Variants in MGAT5 observed in about 807,000 individuals in gnomAD.
The protein encoded by MGAT5 is alpha-1,6-mannosylglycoprotein 6-beta-N-acetylglucosaminyltransferase, also known as alpha-1,6-mannosylglycoprotein 6-beta-N-acetylglucosaminyltransferase A.
MGAT5 carries 30 observed loss-of-function variants against 94.3 expected under a neutral mutation model. The ratio of observed to expected loss-of-function variants is 0.32; its 90% CI spans 0.24 to 0.43. The LOEUF (loss-of-function observed/expected upper bound fraction) is 0.43, where lower values mean the gene tolerates loss of function less well. Among genes scored for constraint, MGAT5 ranks in the 20% least tolerant of loss-of-function variants. The pLI, the probability that MGAT5 is intolerant of heterozygous loss-of-function variation, is 1.00. For missense variants in MGAT5, 691 were observed against 905.5 expected, an observed-to-expected ratio of 0.76 and a Z score of 3.04; for synonymous variants, 310 against 322.9, an observed-to-expected ratio of 0.96 and a Z score of 0.43.
chr2:134,153,957 A>C (rs376421369), intron 1 of MGAT5, among the ~76,000 whole-genome samples: 67 of 152,276 alleles, frequency 4.4e-4, no homozygotes, highest in Non-Finnish European at 7.9e-4. Context: ...CCATAGGGGC[A>C]ACGGCAGGGC....
chr2:134,262,854 C>T (rs1479621987), intron 1 of MGAT5, among the ~76,000 whole-genome samples: 3 of 152,210 alleles, frequency 2.0e-5, no homozygotes, highest in Non-Finnish European at 4.4e-5. Context: ...TTAGCATTTA[C>T]AGGGGTAGAG....
intron 1 of MGAT5, among the ~76,000 whole-genome samples, chr2:134,149,240 T>C (rs911845274): frequency 5.3e-5 from 8 of 152,176 alleles, no homozygotes; most frequent in African/African-American, 1.9e-4. Flanking sequence ...TTTGCTCATC[T>C]GTTAGGTGGA....
At chr2:134,172,633 G>T (rs543651472) in intron 1 of MGAT5, among the ~76,000 whole-genome samples, 2 of 152,064 alleles carry the variant, frequency 1.3e-5, no homozygotes, top group African/African-American at 2.4e-5. Flanking sequence ...TGATTCTCCC[G>T]CCTCGACCTC....
At chr2:134,447,460 A>G (rs971886547) in intron 15 of MGAT5, among the ~76,000 whole-genome samples, 3 of 152,194 alleles carry the variant, frequency 2.0e-5, no homozygotes, top group Admixed American at 6.5e-5. Flanking sequence ...CCTGCAGTAA[A>G]GAATCATTTA....
chr2:134,307,413 C>T (rs1686392492), intron 2 of MGAT5, among the ~76,000 whole-genome samples: 1 of 152,040 alleles, frequency 6.6e-6, no homozygotes, highest in Non-Finnish European at 1.5e-5. Context: ...ACTTTCATTC[C>T]CCTTTTCCTC....
chr2:134,298,514 A>G (rs1331698452), intron 2 of MGAT5, among the ~76,000 whole-genome samples: 3 of 152,212 alleles, frequency 2.0e-5, no homozygotes, highest in Non-Finnish European at 1.5e-5. Context: ...CACTCCTAAG[A>G]ATGATCAGCA....
chr2:134,233,447 T>C (rs76621917), intron 1 of MGAT5, among the ~76,000 whole-genome samples: 1,694 of 152,340 alleles, frequency 0.011, 22 homozygotes, highest in African/African-American at 0.037. Flanking sequence ...TGCCTTTTTA[T>C]CAGTTACAGT....
At chr2:134,306,500 T>C (rs1373724919) in intron 2 of MGAT5, among the ~76,000 whole-genome samples, 1 of 152,164 alleles carries the variant, frequency 6.6e-6, no homozygotes, top group Admixed American at 6.6e-5. Context: ...ACAGAGAATA[T>C]ACAATAGGAC....
At chr2:134,380,853 G>A (rs1416326791) in intron 10 of MGAT5, among the ~76,000 whole-genome samples, 1 of 152,110 alleles carries the variant, frequency 6.6e-6, no homozygotes, top group Non-Finnish European at 1.5e-5. Context: ...TGTAAGGTTT[G>A]GTAATGAAAG....
intron 1 of MGAT5, among the ~76,000 whole-genome samples, chr2:134,225,775 CTT>C (rs1428148231): frequency 6.6e-6 from 1 of 152,182 alleles, no homozygotes; most frequent in Non-Finnish European, 1.5e-5. Context: ...AAAGGGAAAA[CTT>C]TATCTCAATA....
intron 2 of MGAT5, among the ~76,000 whole-genome samples, chr2:134,299,912 C>T (rs1254357257): frequency 1.3e-5 from 2 of 152,108 alleles, no homozygotes; most frequent in African/African-American, 4.8e-5. Flanking sequence ...TTGACTTGCA[C>T]TCACCTTGAA....
Position 134,449,161 on chromosome 2 carries a change from C to T in MGAT5, c.*314C>T. On this transcript the variant is annotated 3_prime_UTR_variant, in exon 16 of 16. Transcript: ENST00000281923. Reference sequence around the variant, plus strand: ...CAGGGCAAAAGAAAGTCTCAAGAGTCCTTTAAAACAAAACAGGAGGAATTG... The same window carrying T: ...CAGGGCAAAAGAAAGTCTCAAGAGTTCTTTAAAACAAAACAGGAGGAATTG... The T allele has an allele frequency of 3.1e-6, 1 of 320,794 alleles. No individual in the cohort carries two copies. The highest frequency in any genetic ancestry group is 3.3e-5 in the South Asian group (1 of 30,086). 19.9% of individuals were successfully genotyped at this position (320,794 alleles called of 1,614,324 possible).
intron 2 of MGAT5, among the ~76,000 whole-genome samples, chr2:134,295,149 G>T (rs769590003): frequency 6.6e-6 from 1 of 152,168 alleles, no homozygotes; most frequent in Non-Finnish European, 1.5e-5. Flanking sequence ...GTAGGTTTTA[G>T]TATATAGTTT....
intron 1 of MGAT5, among the ~76,000 whole-genome samples, chr2:134,216,747 T>A (rs530842857): frequency 6.6e-6 from 1 of 152,336 alleles, no homozygotes; most frequent in East Asian, 1.9e-4. Context: ...CCATTTCTGC[T>A]CTACCTCTAG....
chr2:134,274,160 A>C (rs896590616), intron 2 of MGAT5, among the ~76,000 whole-genome samples: 4 of 152,216 alleles, frequency 2.6e-5, no homozygotes, highest in Non-Finnish European at 4.4e-5. Context: ...CTAAGGACTG[A>C]ATGTCTGATA....
chr2:134,284,804 T>C (rs12989456), intron 2 of MGAT5, among the ~76,000 whole-genome samples: 14,574 of 152,204 alleles, frequency 0.096, 830 homozygotes, highest in South Asian at 0.24. Context: ...TGTGCCCATT[T>C]AATCTGCCAC....
Position 134,422,956 on chromosome 2 carries a change from T to C in MGAT5, c.1794+37T>C, listed in dbSNP as rs202071249. The C allele has an allele frequency of 6.1e-6, 9 of 1,483,094 alleles. No individual in the cohort carries two copies. In the African/African-American group the frequency reaches 1.2e-4, roughly 20 times the overall value. The allele number at this position is 1,483,094 out of a possible 1,614,324, so 91.9% of individuals were successfully genotyped here. A position where few individuals can be genotyped will look rare whatever the true frequency, so the allele number is the denominator to read the frequency against. On this transcript the variant is annotated intron_variant, in intron 13 of 15. Transcript: ENST00000281923. ...TTATTCCACTTTCCCTCCTTTCTAA[T>C]GTGACCTGAAATGTGTATAAAACAC... is the stretch of plus-strand genomic sequence containing the variant.
chr2:134,414,646 GGCAAATTTC>G (rs1683866483), intron 12 of MGAT5, among the ~76,000 whole-genome samples: 1 of 151,682 alleles, frequency 6.6e-6, no homozygotes, highest in Non-Finnish European at 1.5e-5. Context: ...CTCCTTTTTT[GGCAAATTTC>G]AAGTATGCAA....
chr2:134,234,503 C>T (rs1378239877), intron 1 of MGAT5, among the ~76,000 whole-genome samples: 1 of 152,242 alleles, frequency 6.6e-6, no homozygotes, highest in African/African-American at 2.4e-5. Flanking sequence ...CAATGTGGCT[C>T]TGTCCTTCAA....
Sources: gnomAD v4.1 joint callset for allele counts (sites outside exome capture counted in the v4.1 genomes callset) on GRCh38, gnomAD v4.1.1 for gene constraint, MANE v1.5 for transcripts, NCBI Gene and HGNC (gene_info 2026-07-23, HGNC 2026-07-21) for gene names.